Variants in RGS6 observed in about 807,000 individuals in gnomAD.
RGS6 encodes regulator of G protein signaling 6.
In RGS6, 30 loss-of-function variants were observed where a neutral mutation model predicts 78.5. That is an observed-to-expected ratio of 0.38 (90% CI 0.29 to 0.52). The LOEUF is 0.52. Among genes scored for constraint, RGS6 ranks in the 20% least tolerant of loss-of-function variants. RGS6 has a pLI of 0.85. For missense variants in RGS6, 495 were observed against 609.7 expected, an observed-to-expected ratio of 0.81 and a Z score of 1.98; for synonymous variants, 206 against 206.0, an observed-to-expected ratio of 1.00 and a Z score of 0.00.
chr14:72,414,236 A>C (rs1322937108), intron 3 of RGS6, among the ~76,000 whole-genome samples: 2 of 151,486 alleles, frequency 1.3e-5, no homozygotes, highest in South Asian at 4.2e-4. Flanking sequence ...CTTTTCACAT[A>C]CTCCCGTATT....
At chr14:72,441,630 A>G (rs1049988339) in intron 3 of RGS6, among the ~76,000 whole-genome samples, 3 of 152,198 alleles carry the variant, frequency 2.0e-5, no homozygotes, top group Non-Finnish European at 4.4e-5. Context: ...TGCTGCTGCC[A>G]TTCCTGTTTT....
At chr14:72,321,658 G>C (rs908327998) in intron 2 of RGS6, among the ~76,000 whole-genome samples, 9 of 152,082 alleles carry the variant, frequency 5.9e-5, no homozygotes, top group African/African-American at 2.2e-4. Flanking sequence ...AGATCTAATA[G>C]TCATTAAGTG....
intron 3 of RGS6, among the ~76,000 whole-genome samples, chr14:72,374,996 G>A (rs1219012840): frequency 6.6e-6 from 1 of 152,118 alleles, no homozygotes; most frequent in African/African-American, 2.4e-5. Context: ...TTAAACAGCA[G>A]ATTTGACACA....
intron 3 of RGS6, among the ~76,000 whole-genome samples, chr14:72,414,527 G>A (rs1455507844): frequency 6.6e-6 from 1 of 151,998 alleles, no homozygotes; most frequent in East Asian, 1.9e-4. Context: ...CCTTTAGCTG[G>A]TAGTTTGATC....
At chr14:72,337,397 G>T (rs1479152315) in intron 2 of RGS6, among the ~76,000 whole-genome samples, 6 of 151,956 alleles carry the variant, frequency 3.9e-5, no homozygotes, top group African/African-American at 1.5e-4. Flanking sequence ...CTGGTTCCCT[G>T]CAACTCCTTA....
chr14:72,483,242 G>A (rs1383227601), intron 12 of RGS6, among the ~76,000 whole-genome samples: 1 of 152,178 alleles, frequency 6.6e-6, no homozygotes, highest in African/African-American at 2.4e-5. Context: ...CCCATAGCGA[G>A]CTTACACCAC....
intron 2 of RGS6, among the ~76,000 whole-genome samples, chr14:71,986,924 A>C (rs2094737000): frequency 6.6e-6 from 1 of 151,920 alleles, no homozygotes; most frequent in Non-Finnish European, 1.5e-5. Flanking sequence ...CTCCTTCTCC[A>C]ACTCTGACCT....
At chr14:72,597,239 A>C in the RGS6 span, among the ~76,000 whole-genome samples, 1 of 125,628 alleles carries the variant, frequency 8.0e-6, no homozygotes, top group African/African-American at 2.6e-5. Flanking sequence ...ACTCCATCTC[A>C]AAAAAAAAGA....
At position 72,559,200 on chromosome 14, in the gene RGS6, T is replaced by C. The variant is rs578230259; in HGVS notation, c.1423-3217T>C. ...GTACAGGCAGGAGCTCCCCTCTCTC[T>C]GGGCACAGCGGATTCCTCGGGAGCT... On this transcript the variant is annotated intron_variant, in intron 17 of 17. Coordinates refer to ENST00000553525, the MANE Select transcript of RGS6 (RefSeq NM_001204424.2). Among the ~76,000 whole-genome samples, 271 of 152,324 alleles carry C rather than the reference T, an allele frequency of 1.8e-3. 2 individuals are homozygous for C. In the Middle Eastern group the frequency reaches 0.034, roughly 19 times the overall value.
At chr14:71,906,053 C>G in the RGS6 span, among the ~76,000 whole-genome samples, 1 of 152,202 alleles carries the variant, frequency 6.6e-6, no homozygotes, top group African/African-American at 2.4e-5. Flanking sequence ...TCCCTGCTGG[C>G]AACCATCTGA....
chr14:72,606,167 GGCACT>G, the RGS6 span, among the ~76,000 whole-genome samples: 5 of 152,052 alleles, frequency 3.3e-5, no homozygotes, highest in Admixed American at 1.3e-4. Flanking sequence ...GCCATTCCAA[GGCACT>G]GCATGGAAAC....
intron 3 of RGS6, among the ~76,000 whole-genome samples, chr14:72,383,174 G>GTATA (rs1263107660): frequency 8.2e-5 from 2 of 24,528 alleles, no homozygotes; most frequent in Non-Finnish European, 9.4e-5. Flanking sequence ...TGAAAAAATT[G>GTATA]TACATATATA....
chr14:72,178,135 G>C (rs11845720), intron 2 of RGS6, among the ~76,000 whole-genome samples: 17,013 of 152,202 alleles, frequency 0.11, 1,020 homozygotes, highest in South Asian at 0.19. Flanking sequence ...TAGGTTGGTG[G>C]ACCATTTTCT....
At chr14:72,062,691 C>T (rs1257210318) in intron 2 of RGS6, among the ~76,000 whole-genome samples, 1 of 152,180 alleles carries the variant, frequency 6.6e-6, no homozygotes, top group Non-Finnish European at 1.5e-5. Flanking sequence ...GATGTTGTTA[C>T]CTATTTAAGA....
At chr14:72,147,183 A>C (rs1008698447) in intron 2 of RGS6, among the ~76,000 whole-genome samples, 1 of 152,194 alleles carries the variant, frequency 6.6e-6, no homozygotes, top group African/African-American at 2.4e-5. Flanking sequence ...CATTCATGAC[A>C]ATCTATGCTT....
intron 2 of RGS6, among the ~76,000 whole-genome samples, chr14:72,081,301 T>A (rs867154335): frequency 2.0e-5 from 3 of 152,244 alleles, no homozygotes; most frequent in South Asian, 2.1e-4. Flanking sequence ...TTTTATTAAT[T>A]TCTTTTTCAG....
chr14:71,919,053 G>A, the RGS6 span, among the ~76,000 whole-genome samples: 2 of 152,018 alleles, frequency 1.3e-5, no homozygotes, highest in African/African-American at 4.8e-5. Context: ...CAGTGCTTGG[G>A]TAAACAGAAA....
rs1284465002 is a variant in RGS6, at chr14:71,977,806, A to G, written c.84+12931A>G. On this transcript the variant is annotated intron_variant, in intron 2 of 17. Transcript: ENST00000553525. Reference sequence around the variant, plus strand: ...TTTTTCCAATTCTGTGAAGAAAGGCATTGGTAGCTTGATGGGGATGGCATT... The same window carrying G: ...TTTTTCCAATTCTGTGAAGAAAGGCGTTGGTAGCTTGATGGGGATGGCATT... 7.9e-5 allele frequency among the ~76,000 whole-genome samples: 12 copies of G among 152,134 alleles called. No individual in the cohort carries two copies. In the East Asian group the frequency reaches 2.3e-3, roughly 30 times the overall value.
At chr14:72,036,045 A>G (rs1246248775) in intron 2 of RGS6, among the ~76,000 whole-genome samples, 2 of 151,928 alleles carry the variant, frequency 1.3e-5, no homozygotes, top group East Asian at 3.9e-4. Flanking sequence ...CGTAACACTA[A>G]CCTTTAGCAA....
Sources: allele counts gnomAD v4.1 joint callset (sites outside exome capture counted in the v4.1 genomes callset), GRCh38; gene constraint gnomAD v4.1.1; transcripts MANE v1.5; gene names NCBI Gene and HGNC (gene_info 2026-07-23, HGNC 2026-07-21).